The following CELF4 variants were observed in gnomAD, a reference collection of about 807,000 sequenced individuals.
CELF4 encodes the protein CUGBP Elav-like family member 4.
A neutral mutation model predicts 59.9 loss-of-function variants in CELF4; 18 were observed. The ratio of observed to expected loss-of-function variants is 0.30; its 90% CI spans 0.21 to 0.45. The LOEUF (loss-of-function observed/expected upper bound fraction) is 0.45. CELF4 is among the 20% of genes least tolerant of loss of function. The pLI, the probability that CELF4 is intolerant of heterozygous loss-of-function variation, is 1.00. For missense variants in CELF4, 456 were observed against 689.0 expected, an observed-to-expected ratio of 0.66 and a Z score of 3.79; for synonymous variants, 261 against 267.1, an observed-to-expected ratio of 0.98 and a Z score of 0.22.
At chr18:37,504,253 G>A (rs1161385620) in intron 1 of CELF4, among the ~76,000 whole-genome samples, 2 of 152,126 alleles carry the variant, frequency 1.3e-5, no homozygotes, top group Non-Finnish European at 2.9e-5. Context: ...CACCTTGGGA[G>A]GCCAAGGCAG....
intron 1 of CELF4, among the ~76,000 whole-genome samples, chr18:37,507,427 T>C (rs2099939358): frequency 6.6e-6 from 1 of 152,238 alleles, no homozygotes; most frequent in Admixed American, 6.5e-5. Context: ...AACCTCCTAA[T>C]TCATCCCCTG....
intron 3 of CELF4, among the ~76,000 whole-genome samples, chr18:37,281,360 A>T (rs2094120009): frequency 6.6e-6 from 1 of 152,258 alleles, no homozygotes; most frequent in Non-Finnish European, 1.5e-5. Context: ...CATCAGCATT[A>T]AACAATATTT....
chr18:37,536,221 G>C (rs892178689), intron 1 of CELF4, among the ~76,000 whole-genome samples: 6 of 152,118 alleles, frequency 3.9e-5, no homozygotes, highest in South Asian at 2.1e-4. Flanking sequence ...CTGGAGGGGT[G>C]ATGGGAGGGG....
chr18:37,553,630 G>C (rs960039203), intron 1 of CELF4, among the ~76,000 whole-genome samples: 6 of 152,132 alleles, frequency 3.9e-5, no homozygotes, highest in Admixed American at 3.9e-4. Flanking sequence ...AATACTTTTT[G>C]GGTTTTCTGA....
chr18:37,551,177 G>T (rs531101065), intron 1 of CELF4, among the ~76,000 whole-genome samples: 21 of 152,240 alleles, frequency 1.4e-4, no homozygotes, highest in Admixed American at 6.5e-4. Context: ...AGTCACTCCA[G>T]CTCTATGACT....
rs561464294 is a variant in CELF4 at position 37,243,186 on chromosome 18, C to CTTTTTTTTTTTTTTTTTTTTTTTTTTTT, written c.*2055_*2056insAAAAAAAAAAAAAAAAAAAAAAAAAAAA. On this transcript the variant is annotated 3_prime_UTR_variant, in exon 13 of 13. Coordinates refer to ENST00000420428, the MANE Select transcript of CELF4 (RefSeq NM_020180.4). ...TGTTTTCTTTTTTTTTTCTTTTTTT[C>CTTTTTTTTTTTTTTTTTTTTTTTTTTTT]TTTTTTTTTTTTTTTTTTTTACATC... is the stretch of plus-strand genomic sequence containing the variant. 4 of 100,576 alleles carry CTTTTTTTTTTTTTTTTTTTTTTTTTTTT rather than the reference C, an allele frequency of 4.0e-5. No individual in the cohort carries two copies. Among genetic ancestry groups the CTTTTTTTTTTTTTTTTTTTTTTTTTTTT allele is most frequent in the African/African-American group, 1.2e-4 (3 of 24,178 alleles). 6.2% of individuals were successfully genotyped at this position (100,576 alleles called of 1,614,324 possible). A position where few individuals can be genotyped will look rare whatever the true frequency, so the allele number is the denominator to read the frequency against.
chr18:37,310,918 G>A (rs1193505456), intron 3 of CELF4, among the ~76,000 whole-genome samples: 9 of 152,272 alleles, frequency 5.9e-5, no homozygotes. Flanking sequence ...CGGGCCAGAC[G>A]GTAGTGACAT....
At chr18:37,518,849 G>A (rs2099953880) in intron 1 of CELF4, among the ~76,000 whole-genome samples, 1 of 152,190 alleles carries the variant, frequency 6.6e-6, no homozygotes, top group African/African-American at 2.4e-5. Context: ...TTAAGAATCT[G>A]ATGGACATTA....
chr18:37,407,723 G>A (rs1445027377), intron 2 of CELF4, among the ~76,000 whole-genome samples: 2 of 152,036 alleles, frequency 1.3e-5, no homozygotes, highest in African/African-American at 4.8e-5. Flanking sequence ...AATATACGAA[G>A]TGAAATGGCA....
chr18:37,408,474 T>TTC (rs1557416084), intron 2 of CELF4, among the ~76,000 whole-genome samples: 15 of 111,608 alleles, frequency 1.3e-4, no homozygotes, highest in Admixed American at 5.5e-4. Context: ...TTTTTTTTTT[T>TTC]CCCCCTTTGG....
At chr18:37,337,089 G>A (rs909488776) in intron 2 of CELF4, among the ~76,000 whole-genome samples, 5 of 151,974 alleles carry the variant, frequency 3.3e-5, no homozygotes, top group African/African-American at 7.3e-5. Flanking sequence ...CTTTCTGCTC[G>A]GGCAGCATCT....
Position 37,516,012 on chromosome 18 carries a change from G to GTGAA in CELF4, c.287-30409_287-30406dup, listed in dbSNP as rs995338445. 1.3e-5 allele frequency among the ~76,000 whole-genome samples: 2 copies of GTGAA among 152,184 alleles called. 1 individual carries two copies. The highest frequency in any genetic ancestry group is 4.1e-4 in the South Asian group (2 of 4,832). ...GCACTTTGGTGGAGTGAGTGAGTGA[G>GTGAA]TGAATGAATGAATGAATGTGGATGA... is the stretch of plus-strand genomic sequence containing the variant. On this transcript the variant is annotated intron_variant, in intron 1 of 12. Transcript: ENST00000420428.
At chr18:37,440,138 G>C (rs914597321) in intron 2 of CELF4, among the ~76,000 whole-genome samples, 1 of 152,150 alleles carries the variant, frequency 6.6e-6, no homozygotes, top group Admixed American at 6.5e-5. Context: ...GCAGGGACCT[G>C]GGGAGATTTG....
At chr18:37,290,047 A>G (rs1464412791) in intron 3 of CELF4, among the ~76,000 whole-genome samples, 1 of 152,170 alleles carries the variant, frequency 6.6e-6, no homozygotes, top group African/African-American at 2.4e-5. Flanking sequence ...AGGAGGCAGC[A>G]TGGAGGGGCA....
chr18:37,491,452 C>T (rs940809100), intron 1 of CELF4, among the ~76,000 whole-genome samples: 2 of 152,180 alleles, frequency 1.3e-5, no homozygotes, highest in Non-Finnish European at 2.9e-5. Flanking sequence ...CTTGATGCCT[C>T]GTCTCTGAAT....
chr18:37,330,451 C>T (rs1047669397), intron 2 of CELF4, among the ~76,000 whole-genome samples: 1 of 152,180 alleles, frequency 6.6e-6, no homozygotes, highest in East Asian at 1.9e-4. Context: ...CTTTAATTAC[C>T]TCCTTAATAA....
intron 2 of CELF4, among the ~76,000 whole-genome samples, chr18:37,437,148 T>A (rs535461558): frequency 6.6e-6 from 1 of 152,212 alleles, no homozygotes; most frequent in South Asian, 2.1e-4. Flanking sequence ...TACAAGTGTG[T>A]ACCTCCAAAT....
chr18:37,438,192 A>C (rs2099699585), intron 2 of CELF4, among the ~76,000 whole-genome samples: 1 of 152,222 alleles, frequency 6.6e-6, no homozygotes, highest in Non-Finnish European at 1.5e-5. Flanking sequence ...AAGTTGCCTA[A>C]GACAACCTCA....
intron 2 of CELF4, among the ~76,000 whole-genome samples, chr18:37,385,421 C>T (rs2099089058): frequency 1.3e-5 from 2 of 151,330 alleles, no homozygotes; most frequent in African/African-American, 4.9e-5. Flanking sequence ...TAGATTAATG[C>T]CGTGGTGGTG....
Sources: allele counts gnomAD v4.1 joint callset (sites outside exome capture counted in the v4.1 genomes callset), GRCh38; gene constraint gnomAD v4.1.1; transcripts MANE v1.5; gene names NCBI Gene and HGNC (gene_info 2026-07-23, HGNC 2026-07-21).